The following ZNF169 variants were observed in gnomAD, a reference collection of about 807,000 sequenced individuals.
ZNF169 encodes zinc finger protein 169.
ZNF169 carries 11 observed loss-of-function variants against 12.0 expected under a neutral mutation model. That is an observed-to-expected ratio of 0.92 (90% CI 0.58 to 1.52). ZNF169 has a LOEUF of 1.52. Among genes scored for constraint, ZNF169 ranks in the 40% most tolerant of loss-of-function variants. The probability of loss-of-function intolerance (pLI) is 0.00; values close to 1 mark genes in which losing one functional copy is unlikely to be tolerated. For missense variants in ZNF169, 722 were observed against 744.0 expected (o/e 0.97, Z 0.34); for synonymous variants, 302 against 286.5 (o/e 1.05, Z -0.55).
intron 2 of ZNF169, among the ~76,000 whole-genome samples, chr9:94,282,572 C>G (rs1361858893): frequency 2.6e-5 from 4 of 152,160 alleles, no homozygotes; most frequent in African/African-American, 9.7e-5. Flanking sequence ...TGTCAGTGAG[C>G]AGAGAGGTGA....
Position 94,300,371 on chromosome 9 carries a change from T to G in ZNF169, c.813T>G (p.Phe271Leu). ...TGTGTCCTGAGTGTGGGCGTCGGTT[T>G]AGCCAGAAGGCCTCCCTCTCCATAC... The part of the protein sequence containing the change: ...PYLCPECGRR[F>L]SQKASLSIHQ... The change falls in exon 5 of 5, where the codon TTT (phenylalanine) becomes TTG (leucine). Residue 271 changes from phenylalanine to leucine, a missense_variant. By Grantham distance (22) the Phe-to-Leu change is conservative. Coordinates refer to ENST00000395395, the MANE Select transcript of ZNF169 (RefSeq NM_194320.4). 2 of 1,611,592 alleles carry G rather than the reference T, an allele frequency of 1.2e-6. No individual in the cohort carries two copies. The highest frequency in any genetic ancestry group is 2.2e-5 in the South Asian group (2 of 90,942).
intron 1 of ZNF169, among the ~76,000 whole-genome samples, chr9:94,269,641 G>A (rs774275751): frequency 6.6e-6 from 1 of 152,132 alleles, no homozygotes; most frequent in Non-Finnish European, 1.5e-5. Flanking sequence ...GCCCAATAAC[G>A]AGATGCAGAT....
chr9:94,269,640 C>T (rs971745875), intron 1 of ZNF169, among the ~76,000 whole-genome samples: 8 of 152,074 alleles, frequency 5.3e-5, no homozygotes, highest in Non-Finnish European at 8.8e-5. Flanking sequence ...GGCCCAATAA[C>T]GAGATGCAGA....
At chr9:94,278,177 T>C (rs1830558866) in intron 1 of ZNF169, among the ~76,000 whole-genome samples, 1 of 152,238 alleles carries the variant, frequency 6.6e-6, no homozygotes, top group Non-Finnish European at 1.5e-5. Context: ...TGAAATTGAC[T>C]CGTTATAAAA....
intron 4 of ZNF169, 169 bp from the exon 5 acceptor site, chr9:94,299,646 A>G (rs1242938104): frequency 4.6e-5 from 65 of 1,399,180 alleles, no homozygotes; most frequent in Non-Finnish European, 5.9e-5. Flanking sequence ...AGTTTGGCTG[A>G]TAGGACTAGT....
At chr9:94,292,523 A>G (rs954372512) in intron 3 of ZNF169, 56 bp downstream of exon 3, 113 of 1,571,284 alleles carry the variant, frequency 7.2e-5, no homozygotes, top group Middle Eastern at 3.4e-4. Flanking sequence ...TTAAGCTCTT[A>G]CATAGCAAGC....
At position 94,300,557 on chromosome 9, in the gene ZNF169, C is replaced by T. The variant is rs1831045533; in HGVS notation, c.999C>T (p.Leu333=). The change falls in exon 5 of 5, where the codon CTC becomes CTT. Residue 333 remains leucine, a synonymous_variant. Coordinates refer to ENST00000395395, the MANE Select transcript of ZNF169 (RefSeq NM_194320.4). ...GAGGCTTTCGCCAGAAGATAGCCCTCCTTCTACACCAGAGGACGCACTTGG... is the reference window on the plus strand; with the variant it reads ...GAGGCTTTCGCCAGAAGATAGCCCTTCTTCTACACCAGAGGACGCACTTGG... ...CGRGFRQKIA[L]LLHQRTHLEE... 1 of 1,613,648 alleles carries T rather than the reference C, an allele frequency of 6.2e-7. No homozygotes were observed. Among genetic ancestry groups the T allele is most frequent in the African/African-American group, 1.3e-5 (1 of 74,794 alleles).
intron 2 of ZNF169, among the ~76,000 whole-genome samples, chr9:94,289,670 A>T (rs1830792194): frequency 6.6e-6 from 1 of 152,120 alleles, no homozygotes; most frequent in Admixed American, 6.6e-5. Context: ...GGAGCCTGCA[A>T]TCCTGGCTAC....
At chr9:94,271,803 A>G (rs760578272) in intron 1 of ZNF169, among the ~76,000 whole-genome samples, 1 of 150,554 alleles carries the variant, frequency 6.6e-6, no homozygotes, top group African/African-American at 2.4e-5. Flanking sequence ...CTTATAACCT[A>G]TTGCTGGGTT....
At chr9:94,286,408 G>T (rs1255014869) in intron 2 of ZNF169, among the ~76,000 whole-genome samples, 1 of 152,110 alleles carries the variant, frequency 6.6e-6, no homozygotes, top group Non-Finnish European at 1.5e-5. Flanking sequence ...TCATACTTGG[G>T]AGTGGTACTG....
chr9:94,262,120 G>A lies in ZNF169; in HGVS notation c.-56+2775G>A, dbSNP rs146845808. On this transcript the variant is annotated intron_variant, in intron 1 of 4. Coordinates refer to ENST00000395395, the MANE Select transcript of ZNF169 (RefSeq NM_194320.4). ...GCACTTTATTATATGAGGACTCCACGGCTGGCATGGTATATCTCAACTGTC... is the reference window on the plus strand; with the variant it reads ...GCACTTTATTATATGAGGACTCCACAGCTGGCATGGTATATCTCAACTGTC... Among the ~76,000 whole-genome samples the A allele has an allele frequency of 5.9e-4, 90 of 152,220 alleles. 2 individuals are homozygous for A. In the Middle Eastern group the frequency reaches 0.017, roughly 29 times the overall value.
chr9:94,275,058 T>A (rs539658733), intron 1 of ZNF169, among the ~76,000 whole-genome samples: 2 of 152,098 alleles, frequency 1.3e-5, no homozygotes, highest in South Asian at 4.1e-4. Context: ...GGACAAACAG[T>A]GAGACCCCAT....
chr9:94,275,790 T>G (rs1830506982), intron 1 of ZNF169, among the ~76,000 whole-genome samples: 1 of 151,168 alleles, frequency 6.6e-6, no homozygotes, highest in Admixed American at 6.6e-5. Flanking sequence ...CTATCTGTTT[T>G]TTTTTTTTTT....
At chr9:94,260,071 C>T (rs1283889186) in intron 1 of ZNF169, among the ~76,000 whole-genome samples, 1 of 151,182 alleles carries the variant, frequency 6.6e-6, no homozygotes, top group Non-Finnish European at 1.5e-5. Context: ...GCCACCACGC[C>T]CGGCTAATTT....
intron 1 of ZNF169, among the ~76,000 whole-genome samples, chr9:94,277,804 C>T (rs376964958): frequency 6.6e-5 from 10 of 151,590 alleles, no homozygotes; most frequent in African/African-American, 2.4e-4. Context: ...TGATGGCGGG[C>T]GCCTGTAGTC....
At chr9:94,286,450 C>G (rs1051884499) in intron 2 of ZNF169, among the ~76,000 whole-genome samples, 1 of 152,240 alleles carries the variant, frequency 6.6e-6, no homozygotes, top group African/African-American at 2.4e-5. Context: ...TGTGTCCTCA[C>G]TCAAATCTCA....
At position 94,271,912 on chromosome 9, in the gene ZNF169, GTA is replaced by G. The variant is rs79647840; in HGVS notation, c.-55-6844_-55-6843del. 1.2e-3 allele frequency among the ~76,000 whole-genome samples: 154 copies of G among 126,206 alleles called. 1 individual carries two copies. The East Asian group carries it at 0.024, about 19-fold the overall frequency. The allele number at this position is 126,206 out of a possible 152,430, so 82.8% of individuals were successfully genotyped here. ...TTGGCCTCATAAAATGAATTGGGAA[GTA>G]TTGCCGTCTCTCCTACTTGTATTTG... is the stretch of plus-strand genomic sequence containing the variant. On this transcript the variant is annotated intron_variant, in intron 1 of 4. Coordinates refer to ENST00000395395, the MANE Select transcript of ZNF169 (RefSeq NM_194320.4).
chr9:94,271,775 A>C (rs1248634870), intron 1 of ZNF169, among the ~76,000 whole-genome samples: 1 of 151,306 alleles, frequency 6.6e-6, no homozygotes, highest in East Asian at 1.9e-4. Context: ...GATAGGTCTC[A>C]TGTGTTGCCA....
At chr9:94,285,894 C>G (rs767649946) in intron 2 of ZNF169, among the ~76,000 whole-genome samples, 4 of 151,886 alleles carry the variant, frequency 2.6e-5, no homozygotes, top group Non-Finnish European at 5.9e-5. Context: ...GCCTGTAATC[C>G]CAGCTGCTCA....
Sources: allele counts gnomAD v4.1 joint callset (sites outside exome capture counted in the v4.1 genomes callset), GRCh38; gene constraint gnomAD v4.1.1; transcripts MANE v1.5; gene names NCBI Gene and HGNC (gene_info 2026-07-23, HGNC 2026-07-21).